Variants in MATN1 observed in about 807,000 individuals in gnomAD.
MATN1 encodes matrilin 1.
MATN1 carries 34 observed loss-of-function variants against 41.3 expected under a neutral mutation model. That is an observed-to-expected ratio of 0.82 (90% CI 0.63 to 1.10). The LOEUF (loss-of-function observed/expected upper bound fraction) is 1.10, where lower values mean the gene tolerates loss of function less well. MATN1 is among the 50% of genes least tolerant of loss of function. The pLI, the probability that MATN1 is intolerant of heterozygous loss-of-function variation, is 0.00. For synonymous variants in MATN1, 264 were observed against 278.7 expected (o/e 0.95, Z 0.53); for missense variants, 602 against 662.4 (o/e 0.91, Z 1.00).
At chr1:30,718,679 C>T in intron 3 of MATN1, 56 bp downstream of exon 3, 1 of 1,385,432 alleles carries the variant, frequency 7.2e-7, no homozygotes, top group Non-Finnish European at 9.6e-7. Context: ...GGCCCCGCCC[C>T]GCCGCTCTCC....
At position 30,713,394 on chromosome 1, in the gene MATN1, C is replaced by CACACACATGCACACAT; in HGVS notation, c.*172_*187dup. The CACACACATGCACACAT allele has an allele frequency of 1.6e-6, 1 of 627,342 alleles. No homozygotes were observed. Among genetic ancestry groups the CACACACATGCACACAT allele is most frequent in the African/African-American group, 1.8e-5 (1 of 54,800 alleles). The allele number at this position is 627,342 out of a possible 1,614,324, so 38.9% of individuals were successfully genotyped here. The stretch of plus-strand genomic sequence containing the variant: ...GCGCACGTGCACACACACACACACA[C>CACACACATGCACACAT]ACACACATGCACACATACACACACG... On this transcript the variant is annotated 3_prime_UTR_variant, in exon 8 of 8. Coordinates refer to ENST00000373765, the MANE Select transcript of MATN1 (RefSeq NM_002379.3).
chr1:30,713,403 G>GCACACATA lies in MATN1; in HGVS notation c.*171_*178dup. 1 of 621,308 alleles carries GCACACATA rather than the reference G, an allele frequency of 1.6e-6. No individual in the cohort carries two copies. Among genetic ancestry groups the GCACACATA allele is most frequent in the Non-Finnish European group, 2.9e-6 (1 of 340,552 alleles). The allele number at this position is 621,308 out of a possible 1,614,324, so 38.5% of individuals were successfully genotyped here. On this transcript the variant is annotated 3_prime_UTR_variant, in exon 8 of 8. Coordinates refer to ENST00000373765, the MANE Select transcript of MATN1 (RefSeq NM_002379.3). ...CACACACACACACACACACACACAT[G>GCACACATA]CACACATACACACACGCACACATAC...
In MATN1 at chr1:30,715,176, C is replaced by T; in HGVS notation, c.1341G>A (p.Leu447=). 1.2e-6 allele frequency: 2 copies of T among 1,614,226 alleles called. No individual in the cohort carries two copies. Among genetic ancestry groups the T allele is most frequent in the Non-Finnish European group, 1.7e-6 (2 of 1,180,024 alleles). Residue 447 remains leucine (L), a synonymous_variant, in exon 6 of 8, where the codon TTG becomes TTA. Transcript: ENST00000373765. ...ACTCACCCACACAGATCTTCTTCTGCAACTTCTTGCCTATCTGGTTGATGG... is the reference window on the plus strand; with the variant it reads ...ACTCACCCACACAGATCTTCTTCTGTAACTTCTTGCCTATCTGGTTGATGG... The part of the protein sequence containing the change: ...FKTINQIGKK[L]QKKICVEEDP...
Position 30,723,503 on chromosome 1 carries a change from G to A in MATN1, c.49C>T (p.Leu17=). The change falls in exon 1 of 8, where the codon CTG becomes TTG. Residue 17 remains leucine, a synonymous_variant. Coordinates refer to ENST00000373765, the MANE Select transcript of MATN1 (RefSeq NM_002379.3). The stretch of plus-strand genomic sequence containing the variant: ...CCAGGGCTGCACAGGGCCTGGAGCA[G>A]CAGCAGCAGGCTGCAGAGCATGAGG... ...TSLMLCSLLL[L]LQALCSPGLA... is the part of the protein sequence containing the mutation. The A allele has an allele frequency of 6.5e-7, 1 of 1,533,918 alleles. No homozygotes were observed. Among genetic ancestry groups the A allele is most frequent in the Non-Finnish European group, 8.8e-7 (1 of 1,139,722 alleles).
At position 30,721,593 on chromosome 1, in the gene MATN1, A is replaced by G; in HGVS notation, c.253T>C (p.Tyr85His). Residue 85 changes from tyrosine to histidine, a missense_variant, in exon 2 of 8, where the codon TAT becomes CAT. Transcript: ENST00000373765. Reference sequence around the variant, plus strand: ...AACTCCTGCTTCACGGTGCTGGCATAGTTGACCATGCCCACCCGGGTGGCA... The same window carrying G: ...AACTCCTGCTTCACGGTGCTGGCATGGTTGACCATGCCCACCCGGGTGGCA... ...PNATRVGMVN[Y>H]ASTVKQEFSL... 1 of 1,613,486 alleles carries G rather than the reference A, an allele frequency of 6.2e-7. No individual in the cohort carries two copies. Among genetic ancestry groups the G allele is most frequent in the Non-Finnish European group, 8.5e-7 (1 of 1,180,034 alleles).
chr1:30,718,390 T>A, intron 3 of MATN1: 1 of 211,894 alleles, frequency 4.7e-6, no homozygotes, highest in Non-Finnish European at 9.0e-6. Context: ...GCACTGACTG[T>A]CTCCGTCTTC....
In MATN1 at chr1:30,717,642, G is replaced by GTTTTTTTTTTTTTTTTTTT. The variant is rs751915676; in HGVS notation, c.665-728_665-727insAAAAAAAAAAAAAAAAAAA. On this transcript the variant is annotated intron_variant, in intron 3 of 7. Transcript: ENST00000373765. The stretch of plus-strand genomic sequence containing the variant: ...GGCTCTGTTGTTTTTTGTGTGTGCG[G>GTTTTTTTTTTTTTTTTTTT]TTTTTTTTTTTGTTTTGTTTTTTTT... 2.7e-5 allele frequency among the ~76,000 whole-genome samples: 3 copies of GTTTTTTTTTTTTTTTTTTT among 109,992 alleles called. 1 individual carries two copies. The highest frequency in any genetic ancestry group is 1.8e-5 in the Non-Finnish European group (1 of 56,254). The allele number at this position is 109,992 out of a possible 152,430, so 72.2% of individuals were successfully genotyped here.
chr1:30,713,745 C>T, intron 7 of MATN1, 114 bp from the exon 8 acceptor site: 1 of 805,366 alleles, frequency 1.2e-6, no homozygotes, highest in Non-Finnish European at 2.1e-6. Flanking sequence ...TCCCCTCTGT[C>T]AGAACTTATC....
intron 7 of MATN1, chr1:30,714,045 C>T: frequency 1.7e-6 from 1 of 599,274 alleles, no homozygotes; most frequent in East Asian, 2.8e-5. Flanking sequence ...GCCTCATTTT[C>T]TTGTTTACCT....
At chr1:30,721,351 C>A in intron 2 of MATN1, 54 bp downstream of exon 2, 1 of 1,512,382 alleles carries the variant, frequency 6.6e-7, no homozygotes. Context: ...AAGCTCATAA[C>A]TCCGAGCGGG....
At chr1:30,714,534 G>A (rs931665946) in intron 6 of MATN1, among the ~76,000 whole-genome samples, 18 of 152,154 alleles carry the variant, frequency 1.2e-4, no homozygotes, top group Non-Finnish European at 2.5e-4. Flanking sequence ...CGTCTTCCTG[G>A]TCCCTTGGAG....
chr1:30,713,378 C>T lies in MATN1; in HGVS notation c.*204G>A, dbSNP rs1639577658. The stretch of plus-strand genomic sequence containing the variant: ...TCATGCCCACCCTCAGGCGCACGTG[C>T]ACACACACACACACACACACACATG... On this transcript the variant is annotated 3_prime_UTR_variant, in exon 8 of 8. Coordinates refer to ENST00000373765, the MANE Select transcript of MATN1 (RefSeq NM_002379.3). 2 of 66,586 alleles carry T rather than the reference C, an allele frequency of 3.0e-5. No homozygotes were observed. The highest frequency in any genetic ancestry group is 8.4e-4 in the East Asian group (2 of 2,378). 4.1% of individuals were successfully genotyped at this position (66,586 alleles called of 1,614,324 possible). A position where few individuals can be genotyped will look rare whatever the true frequency, so the allele number is the denominator to read the frequency against.
chr1:30,714,206 T>G, intron 7 of MATN1, 41 bp downstream of exon 7: 11 of 1,353,604 alleles, frequency 8.1e-6, no homozygotes, highest in African/African-American at 1.4e-5. Context: ...AACACTGGCC[T>G]GCGCCCCTCC....
At chr1:30,723,425 T>G in intron 1 of MATN1, 33 bp downstream of exon 1, 1 of 1,443,144 alleles carries the variant, frequency 6.9e-7, no homozygotes, top group Non-Finnish European at 9.2e-7. Context: ...GCCCACTAGC[T>G]CAGTAGCCCC....
intron 3 of MATN1, 65 bp from the exon 4 acceptor site, chr1:30,716,980 T>G: frequency 6.9e-5 from 103 of 1,502,520 alleles, no homozygotes; most frequent in Non-Finnish European, 8.9e-5. Flanking sequence ...AGACAGGTTG[T>G]CCCTCCCTGA....
chr1:30,714,425 C>T, intron 6 of MATN1, 98 bp from the exon 7 acceptor site: 1 of 978,552 alleles, frequency 1.0e-6, no homozygotes, highest in East Asian at 2.6e-5. Flanking sequence ...ACTCAGGATT[C>T]CCGGGGAGGT....
intron 1 of MATN1, 136 bp downstream of exon 1, chr1:30,723,322 C>G (rs1639718915): frequency 1.6e-6 from 1 of 611,526 alleles, no homozygotes; most frequent in South Asian, 2.5e-5. Context: ...CACCAGCCCA[C>G]TGCCCACCAC....
At chr1:30,721,296 T>C (rs1322999413) in intron 2 of MATN1, 109 bp downstream of exon 2, 6 of 1,065,982 alleles carry the variant, frequency 5.6e-6, no homozygotes, top group Non-Finnish European at 6.9e-6. Flanking sequence ...AGCTATGAAA[T>C]GGCCACCTCA....
intron 7 of MATN1, 112 bp downstream of exon 7, chr1:30,714,135 T>C: frequency 1.2e-6 from 1 of 836,786 alleles, no homozygotes; most frequent in Non-Finnish European, 1.9e-6. Flanking sequence ...CCATCAGCAG[T>C]AAGCAGGCCA....
Sources: allele counts gnomAD v4.1 joint callset (sites outside exome capture counted in the v4.1 genomes callset), GRCh38; gene constraint gnomAD v4.1.1; transcripts MANE v1.5; gene names NCBI Gene and HGNC (gene_info 2026-07-23, HGNC 2026-07-21).